TCF4: variants seen among roughly 807,000 people sequenced by gnomAD.
TCF4 encodes the protein transcription factor 4, also known as SL3-3 enhancer factor 2.
TCF4 carries 3 observed loss-of-function variants against 82.1 expected under a neutral mutation model. The ratio of observed to expected loss-of-function variants is 0.04; its 90% CI spans 0.02 to 0.09. TCF4 has a LOEUF of 0.09. TCF4 is among the 10% of genes least tolerant of loss of function. The pLI, the probability that TCF4 is intolerant of heterozygous loss-of-function variation, is 1.00. For synonymous variants in TCF4, 276 were observed against 309.6 expected (o/e 0.89, Z 1.14); for missense variants, 518 against 852.7 (o/e 0.61, Z 4.89).
intron 8 of TCF4, among the ~76,000 whole-genome samples, chr18:55,309,456 G>A (rs1186097660): frequency 6.6e-6 from 1 of 152,104 alleles, no homozygotes; most frequent in Admixed American, 6.6e-5. Context: ...TGGGGCCAGT[G>A]GCTACCTCAC....
At chr18:55,426,819 T>G (rs147058572) in intron 5 of TCF4, among the ~76,000 whole-genome samples, 2,503 of 152,018 alleles carry the variant, frequency 0.016, 34 homozygotes, top group Non-Finnish European at 0.024. Context: ...TACAAACATA[T>G]ACAAACACAG....
chr18:55,557,822 C>T (rs2097317500), intron 3 of TCF4, among the ~76,000 whole-genome samples: 1 of 151,952 alleles, frequency 6.6e-6, no homozygotes, highest in Non-Finnish European at 1.5e-5. Context: ...CCTATTTTCC[C>T]CCTTTTTACA....
At chr18:55,441,307 T>C (rs2095434671) in intron 5 of TCF4, among the ~76,000 whole-genome samples, 1 of 152,244 alleles carries the variant, frequency 6.6e-6, no homozygotes, top group South Asian at 2.1e-4. Flanking sequence ...AATCATATCC[T>C]TTGTTTCAGA....
At chr18:55,322,582 C>G (rs958704434) in intron 8 of TCF4, among the ~76,000 whole-genome samples, 2 of 152,162 alleles carry the variant, frequency 1.3e-5, no homozygotes, top group South Asian at 4.1e-4. Context: ...TCCGCGGGCC[C>G]CGGCCTCCCC....
intron 3 of TCF4, among the ~76,000 whole-genome samples, chr18:55,507,527 T>G (rs906702953): frequency 2.1e-5 from 3 of 145,266 alleles, no homozygotes; most frequent in Non-Finnish European, 4.6e-5. Context: ...TAACTAAAAC[T>G]AGAGAAAATG....
intron 8 of TCF4, among the ~76,000 whole-genome samples, chr18:55,319,529 C>T (rs2074982239): frequency 6.6e-6 from 1 of 151,956 alleles, no homozygotes; most frequent in South Asian, 2.1e-4. Context: ...TTTTTTCTAA[C>T]TATAATGTGT....
intron 3 of TCF4, among the ~76,000 whole-genome samples, chr18:55,465,569 A>C (rs2095997593): frequency 6.6e-6 from 1 of 152,086 alleles, no homozygotes; most frequent in African/African-American, 2.4e-5. Context: ...GGACTGCACC[A>C]AGCCTAGAGA....
intron 3 of TCF4, among the ~76,000 whole-genome samples, chr18:55,507,074 G>A (rs550564587): frequency 1.3e-4 from 20 of 152,178 alleles, no homozygotes; most frequent in African/African-American, 4.8e-4. Context: ...TGTTGGCCAG[G>A]CTGGTCTCGA....
At chr18:55,439,854 C>T (rs1467341668) in intron 5 of TCF4, among the ~76,000 whole-genome samples, 3 of 152,210 alleles carry the variant, frequency 2.0e-5, no homozygotes, top group Non-Finnish European at 4.4e-5. Context: ...TCCCGACTAG[C>T]TGGGACTACA....
intron 5 of TCF4, among the ~76,000 whole-genome samples, chr18:55,458,323 G>A (rs1286143059): frequency 1.3e-5 from 2 of 152,192 alleles, no homozygotes; most frequent in Non-Finnish European, 2.9e-5. Flanking sequence ...CATTCTGAAA[G>A]TGGAGACTGG....
At chr18:55,453,774 T>C (rs913533720) in intron 5 of TCF4, among the ~76,000 whole-genome samples, 6 of 151,448 alleles carry the variant, frequency 4.0e-5, no homozygotes, top group Admixed American at 2.0e-4. Flanking sequence ...ACGCAACTTT[T>C]TTCAATGGCC....
chr18:55,624,415 C>T (rs1321798851), intron 2 of TCF4, among the ~76,000 whole-genome samples: 1 of 152,046 alleles, frequency 6.6e-6, no homozygotes, highest in Non-Finnish European at 1.5e-5. Context: ...GAAGTCAGTG[C>T]ATGTTCAAGT....
intron 5 of TCF4, among the ~76,000 whole-genome samples, chr18:55,443,402 T>C (rs1338176789): frequency 6.6e-6 from 1 of 152,226 alleles, no homozygotes; most frequent in Admixed American, 6.5e-5. Flanking sequence ...CCTCTCAATC[T>C]ATCATTAGTG....
At chr18:55,350,249 TA>T in intron 8 of TCF4, 109 bp downstream of exon 8, 2 of 1,163,368 alleles carry the variant, frequency 1.7e-6, no homozygotes, top group Non-Finnish European at 2.6e-6. Flanking sequence ...ACCTTCTAGA[TA>T]AACGTGCTGC....
chr18:55,351,902 C>T, intron 6 of TCF4: 1 of 851,688 alleles, frequency 1.2e-6, no homozygotes, highest in Non-Finnish European at 1.4e-6. Flanking sequence ...ATATTAAGAA[C>T]AAATTTACTA....
intron 8 of TCF4, among the ~76,000 whole-genome samples, chr18:55,314,654 G>T (rs1205736578): frequency 6.6e-6 from 1 of 151,386 alleles, no homozygotes; most frequent in East Asian, 1.9e-4. Context: ...TGGGATTCTG[G>T]TGCCTTCCAA....
chr18:55,315,619 T>TC (rs2073938985), intron 8 of TCF4, among the ~76,000 whole-genome samples: 1 of 152,132 alleles, frequency 6.6e-6, no homozygotes, highest in Non-Finnish European at 1.5e-5. Flanking sequence ...CCTTAAGTAT[T>TC]CTTCAGAAGA....
intron 5 of TCF4, among the ~76,000 whole-genome samples, chr18:55,418,430 G>A (rs918402057): frequency 6.6e-6 from 1 of 152,036 alleles, no homozygotes; most frequent in Non-Finnish European, 1.5e-5. Context: ...AATATGAGAT[G>A]ATTTACTGAA....
rs139262241 is a variant in TCF4, at chr18:55,330,846, C to T, written c.549+19513G>A. 3.2e-3 allele frequency among the ~76,000 whole-genome samples: 492 copies of T among 152,286 alleles called. 5 individuals carry two copies. Among genetic ancestry groups the T allele is most frequent in the African/African-American group, 0.011 (474 of 41,562 alleles). On this transcript the variant is annotated intron_variant, in intron 8 of 19. Transcript: ENST00000354452. ...CCTCCCAAAGTGCTAGAATTACAGACGTGAGCAACTGCCTGAGTAAGTTCT... is the reference window on the plus strand; with the variant it reads ...CCTCCCAAAGTGCTAGAATTACAGATGTGAGCAACTGCCTGAGTAAGTTCT...
Sources: allele counts gnomAD v4.1 joint callset (sites outside exome capture counted in the v4.1 genomes callset), GRCh38; gene constraint gnomAD v4.1.1; transcripts MANE v1.5; gene names NCBI Gene and HGNC (gene_info 2026-07-23, HGNC 2026-07-21).